Variants in CT45A1 observed in about 807,000 individuals in gnomAD.
CT45A1 encodes the protein cancer/testis antigen 45-1.
chrX:135,713,267 A>G (rs1279680628), upstream of CT45A1, among the ~76,000 whole-genome samples: 6 of 99,609 alleles, frequency 6.0e-5, no homozygotes, highest in African/African-American at 1.5e-4. Flanking sequence ...GGGTCTCACT[A>G]TGTTACCCAG....
upstream of CT45A1, among the ~76,000 whole-genome samples, chrX:135,712,982 C>CTCCTTCCTTCCT (rs782717113): frequency 0.37 from 2,764 of 7,383 alleles, 214 homozygotes; most frequent in Non-Finnish European, 0.43. Flanking sequence ...TCTTTTCTTT[C>CTCCTTCCTTCCT]TCCTTCCTTC....
chrX:135,715,595 ATACT>A (rs1229583181), intron 1 of CT45A1, among the ~76,000 whole-genome samples: 1 of 91,901 alleles, frequency 1.1e-5, no homozygotes, highest in African/African-American at 4.0e-5. Context: ...TAGGTATATA[ATACT>A]TATATATAAT....
upstream of CT45A1, among the ~76,000 whole-genome samples, chrX:135,712,190 T>TTTC (rs2087938335): frequency 3.5e-5 from 3 of 84,951 alleles, no homozygotes; most frequent in Non-Finnish European, 6.9e-5. Flanking sequence ...TTTTTTTTTT[T>TTTC]TTTTTTTTTT....
upstream of CT45A1, among the ~76,000 whole-genome samples, chrX:135,712,030 G>A (rs28644190): frequency 5.5e-5 from 6 of 109,298 alleles, no homozygotes; most frequent in African/African-American, 2.0e-4. Flanking sequence ...GCAGTGAGCC[G>A]AGATTATGGC....
intron 1 of CT45A1, among the ~76,000 whole-genome samples, chrX:135,716,512 C>G (rs1208197184): frequency 9.0e-6 from 1 of 111,063 alleles, no homozygotes; most frequent in Non-Finnish European, 1.9e-5. Context: ...GGATTCCATT[C>G]ATTTGTTGCC....
intron 1 of CT45A1, among the ~76,000 whole-genome samples, chrX:135,717,860 G>C (rs1338752485): frequency 1.8e-5 from 2 of 111,588 alleles, no homozygotes; most frequent in Admixed American, 9.6e-5. Context: ...ACAGAACAAT[G>C]TCATCTGTGA....
At chrX:135,712,230 C>T (rs1268515228), upstream of CT45A1, among the ~76,000 whole-genome samples, 1 of 72,841 alleles carries the variant, frequency 1.4e-5, no homozygotes, top group Non-Finnish European at 2.3e-5. Flanking sequence ...GTCACCCAGG[C>T]TATGCGATCA....
chrX:135,717,424 C>T (rs2087996298), intron 1 of CT45A1, among the ~76,000 whole-genome samples: 1 of 110,627 alleles, frequency 9.0e-6, no homozygotes, highest in African/African-American at 3.3e-5. Flanking sequence ...TGGCAGGCGC[C>T]TGTAATCTCA....
At chrX:135,718,088 A>C (rs1556572269) in intron 1 of CT45A1, among the ~76,000 whole-genome samples, 1 of 112,010 alleles carries the variant, frequency 8.9e-6, no homozygotes, top group East Asian at 2.8e-4. Context: ...CTTTTTCCTA[A>C]GTTGGTGATA....
At chrX:135,709,696 C>T (rs1418989910), upstream of CT45A1, among the ~76,000 whole-genome samples, 1 of 111,392 alleles carries the variant, frequency 9.0e-6, no homozygotes, top group Non-Finnish European at 1.9e-5. Context: ...AAACCATTGA[C>T]TCTGAGGACT....
At chrX:135,717,431 C>G (rs1365364800) in intron 1 of CT45A1, among the ~76,000 whole-genome samples, 4 of 110,556 alleles carry the variant, frequency 3.6e-5, no homozygotes, top group Non-Finnish European at 7.6e-5. Context: ...CGCCTGTAAT[C>G]TCAGCTACTC....
intron 1 of CT45A1, among the ~76,000 whole-genome samples, chrX:135,714,215 T>G (rs1556570582): frequency 9.1e-6 from 1 of 109,763 alleles, no homozygotes; most frequent in African/African-American, 3.3e-5. Context: ...TGGGTGCTGA[T>G]GTCGTCCGTG....
upstream of CT45A1, among the ~76,000 whole-genome samples, chrX:135,711,854 A>G (rs1305056695): frequency 1.8e-5 from 2 of 111,298 alleles, no homozygotes; most frequent in African/African-American, 3.3e-5. Context: ...GCCAAGGAAG[A>G]TGAATCACTT....
chrX:135,713,525 C>T (rs1285071321), upstream of CT45A1: 66 of 733,178 alleles, frequency 9.0e-5, no homozygotes, highest in Non-Finnish European at 1.0e-4. Context: ...CAAACGGGAT[C>T]GGTGCTTCTG....
At chrX:135,713,208 T>G (rs1425316239), upstream of CT45A1, among the ~76,000 whole-genome samples, 2 of 99,200 alleles carry the variant, frequency 2.0e-5, no homozygotes, top group Non-Finnish European at 4.1e-5. Context: ...CAGCTAATTT[T>G]TGTGTGTGTT....
chrX:135,708,797 G>T (rs782340844), upstream of CT45A1, among the ~76,000 whole-genome samples: 1 of 111,300 alleles, frequency 9.0e-6, no homozygotes, highest in South Asian at 3.9e-4. Context: ...CTGATTTTGT[G>T]TGGGAATTAT....
chrX:135,716,842 C>T (rs1308957209), intron 1 of CT45A1, among the ~76,000 whole-genome samples: 1 of 111,101 alleles, frequency 9.0e-6, no homozygotes, highest in African/African-American at 3.3e-5. Flanking sequence ...TTTGTATTTT[C>T]CCTGCATTTA....
chrX:135,715,123 ATTAG>A (rs1556570816), intron 1 of CT45A1, among the ~76,000 whole-genome samples: 2 of 101,391 alleles, frequency 2.0e-5, no homozygotes, highest in East Asian at 6.0e-4. Context: ...TCTTAATTTT[ATTAG>A]TCAGTGTATT....
chrX:135,718,545 T>C (rs1415919268), intron 1 of CT45A1, among the ~76,000 whole-genome samples: 1 of 110,613 alleles, frequency 9.0e-6, no homozygotes, highest in Non-Finnish European at 1.9e-5. Flanking sequence ...GTATAATATA[T>C]AGTTTAAAAT....
Sources: gnomAD v4.1 joint callset for allele counts (sites outside exome capture counted in the v4.1 genomes callset) on GRCh38, gnomAD v4.1.1 for gene constraint, MANE v1.5 for transcripts, NCBI Gene and HGNC (gene_info 2026-07-23, HGNC 2026-07-21) for gene names.